The following TRAM1 variants were observed in gnomAD, a reference collection of about 807,000 sequenced individuals.
TRAM1 encodes the protein translocating chain-associated membrane protein 1.
TRAM1 carries 17 observed loss-of-function variants against 48.7 expected under a neutral mutation model. The observed-to-expected ratio is 0.35, with a 90% confidence interval of 0.24 to 0.52. TRAM1 has a LOEUF of 0.52. Ranked by LOEUF, TRAM1 falls within the 20% of genes least tolerant of loss-of-function variation. The probability of loss-of-function intolerance (pLI) is 0.94; values close to 1 mark genes in which losing one functional copy is unlikely to be tolerated. For synonymous variants in TRAM1, 182 were observed against 154.0 expected (o/e 1.18, Z -1.34); for missense variants, 351 against 441.5 (o/e 0.79, Z 1.84).
rs1297404224 is a variant in TRAM1 at position 70,608,263 on chromosome 8, C to T, written c.-64G>A. On this transcript the variant is annotated 5_prime_UTR_variant, in exon 1 of 11. Transcript: ENST00000262213. Reference sequence around the variant, plus strand: ...GGTTCTGCTCTTCCCAGCTGCTCACCGACTCGCCGCCGCCTCCCGCTGGCT... The same window carrying T: ...GGTTCTGCTCTTCCCAGCTGCTCACTGACTCGCCGCCGCCTCCCGCTGGCT... The T allele has an allele frequency of 2.7e-6, 4 of 1,489,136 alleles. No homozygotes were observed. The highest frequency in any genetic ancestry group is 3.6e-6 in the Non-Finnish European group (4 of 1,123,168). The allele number at this position is 1,489,136 out of a possible 1,614,324, so 92.2% of individuals were successfully genotyped here. A position where few individuals can be genotyped will look rare whatever the true frequency, so the allele number is the denominator to read the frequency against.
At chr8:70,606,995 C>G (rs931711852) in intron 1 of TRAM1, 2 of 940,644 alleles carry the variant, frequency 2.1e-6, no homozygotes, top group South Asian at 9.8e-5. Flanking sequence ...AATACAGACT[C>G]GTAAAAATAC....
intron 10 of TRAM1, among the ~76,000 whole-genome samples, chr8:70,578,335 C>G (rs1458289495): frequency 6.6e-6 from 1 of 152,184 alleles, no homozygotes; most frequent in Non-Finnish European, 1.5e-5. Flanking sequence ...TCTTGAACTC[C>G]TGGGCTCAAG....
chr8:70,581,297 C>T (rs1398383342), intron 10 of TRAM1, among the ~76,000 whole-genome samples: 1 of 152,212 alleles, frequency 6.6e-6, no homozygotes, highest in Non-Finnish European at 1.5e-5. Context: ...AATGGGGACT[C>T]ACATTACCTG....
In TRAM1 at chr8:70,595,019, C is replaced by A. The variant is rs1027691732; in HGVS notation, c.486-429G>T. On this transcript the variant is annotated intron_variant, in intron 5 of 10. Coordinates refer to ENST00000262213, the MANE Select transcript of TRAM1 (RefSeq NM_014294.6). Reference sequence around the variant, plus strand: ...ATAATCACCTGAAACTGGAATAATCCCAATTTCAAATATCCTCTGTTTTTT... The same window carrying A: ...ATAATCACCTGAAACTGGAATAATCACAATTTCAAATATCCTCTGTTTTTT... 2.0e-4 allele frequency among the ~76,000 whole-genome samples: 30 copies of A among 146,764 alleles called. No individual in the cohort carries two copies. In the Admixed American group the frequency reaches 2.1e-3, roughly 10 times the overall value.
chr8:70,603,363 C>T (rs1053790559), intron 1 of TRAM1, among the ~76,000 whole-genome samples: 1 of 151,750 alleles, frequency 6.6e-6, no homozygotes. Flanking sequence ...CACTCCACAT[C>T]CCTGTTTCCA....
chr8:70,595,412 T>C (rs1343291487), intron 5 of TRAM1, among the ~76,000 whole-genome samples: 1 of 152,142 alleles, frequency 6.6e-6, no homozygotes, highest in Non-Finnish European at 1.5e-5. Context: ...AGAGTGGGTA[T>C]TACTGCTAGA....
intron 2 of TRAM1, among the ~76,000 whole-genome samples, chr8:70,599,743 G>A (rs983392625): frequency 1.3e-5 from 2 of 151,970 alleles, no homozygotes; most frequent in Admixed American, 6.6e-5. Context: ...AATTTTCTTA[G>A]GAAAAAATCA....
At chr8:70,578,332 C>T (rs1236597077) in intron 10 of TRAM1, among the ~76,000 whole-genome samples, 1 of 152,178 alleles carries the variant, frequency 6.6e-6, no homozygotes, top group Non-Finnish European at 1.5e-5. Context: ...TGGTCTTGAA[C>T]TCCTGGGCTC....
chr8:70,600,718 A>T lies in TRAM1; in HGVS notation c.124-636T>A, dbSNP rs548832358. On this transcript the variant is annotated intron_variant, in intron 1 of 10. Coordinates refer to ENST00000262213, the MANE Select transcript of TRAM1 (RefSeq NM_014294.6). ...CTCCGTGGTGTGAAAAGTACAGGTA[A>T]ATAAACTGTTATAATACTGTAGAAT... Among the ~76,000 whole-genome samples the T allele has an allele frequency of 1.1e-4, 17 of 152,338 alleles. No individual in the cohort carries two copies. The South Asian group carries it at 2.1e-3, about 19-fold the overall frequency.
At chr8:70,586,817 A>G (rs1288795784) in intron 8 of TRAM1, 78 bp downstream of exon 8, 3 of 1,228,162 alleles carry the variant, frequency 2.4e-6, no homozygotes. Flanking sequence ...ATAATGGCCT[A>G]AAGCATGGAT....
chr8:70,574,157 T>G lies in TRAM1; in HGVS notation c.*775A>C, dbSNP rs757591230. Reference sequence around the variant, plus strand: ...TATTATGAGCCCCATTAAGAATCATTATTAATAAACATATCAAAAAGGGCT... The same window carrying G: ...TATTATGAGCCCCATTAAGAATCATGATTAATAAACATATCAAAAAGGGCT... On this transcript the variant is annotated 3_prime_UTR_variant, in exon 11 of 11. Coordinates refer to ENST00000262213, the MANE Select transcript of TRAM1 (RefSeq NM_014294.6). 17 of 363,590 alleles carry G rather than the reference T, an allele frequency of 4.7e-5. 1 individual carries two copies. Among genetic ancestry groups the G allele is most frequent in the South Asian group, 3.6e-4 (17 of 47,400 alleles). The allele number at this position is 363,590 out of a possible 1,614,324, so 22.5% of individuals were successfully genotyped here. A position where few individuals can be genotyped will look rare whatever the true frequency, so the allele number is the denominator to read the frequency against.
chr8:70,583,943 G>A lies in TRAM1; in HGVS notation c.747-150C>T, dbSNP rs1001380972. 7 of 846,114 alleles carry A rather than the reference G, an allele frequency of 8.3e-6. No individual in the cohort carries two copies. The African/African-American group carries it at 1.3e-4, about 15-fold the overall frequency. 52.4% of individuals were successfully genotyped at this position (846,114 alleles called of 1,614,324 possible). ...CAGGAGAATTGCTTGAAACCAGAAG[G>A]TGGAGGTCACAGTGAGCAGAGATTG... is the stretch of plus-strand genomic sequence containing the variant. On this transcript the variant is annotated intron_variant, in intron 8 of 10. Coordinates refer to ENST00000262213, the MANE Select transcript of TRAM1 (RefSeq NM_014294.6).
rs1415822834 is a variant in TRAM1, at chr8:70,594,677, T to TA, written c.486-88dup. On this transcript the variant is annotated intron_variant, in intron 5 of 10. Coordinates refer to ENST00000262213, the MANE Select transcript of TRAM1 (RefSeq NM_014294.6). ...ACAAATACTGGAAATCAGGATATAC[T>TA]AAGTAACTACCTTTGTGTCATCATT... is the stretch of plus-strand genomic sequence containing the variant. 7 of 1,014,838 alleles carry TA rather than the reference T, an allele frequency of 6.9e-6. No homozygotes were observed. The African/African-American group carries it at 1.2e-4, about 17-fold the overall frequency. The allele number at this position is 1,014,838 out of a possible 1,614,324, so 62.9% of individuals were successfully genotyped here.
rs1023234451 is a variant in TRAM1 at position 70,589,987 on chromosome 8, T to C, written c.571-2811A>G. Among the ~76,000 whole-genome samples, 14 of 152,274 alleles carry C rather than the reference T, an allele frequency of 9.2e-5. No individual in the cohort carries two copies. The East Asian group carries it at 9.6e-4, about 10-fold the overall frequency. On this transcript the variant is annotated intron_variant, in intron 6 of 10. Coordinates refer to ENST00000262213, the MANE Select transcript of TRAM1 (RefSeq NM_014294.6). Reference sequence around the variant, plus strand: ...CACATAAATGACTAGGTATAAAAAATATTGCCATATTCTTTCATATGTGTT... The same window carrying C: ...CACATAAATGACTAGGTATAAAAAACATTGCCATATTCTTTCATATGTGTT...
At position 70,574,617 on chromosome 8, in the gene TRAM1, G is replaced by A; in HGVS notation, c.*315C>T. 1 of 232,360 alleles carries A rather than the reference G, an allele frequency of 4.3e-6. No homozygotes were observed. Among genetic ancestry groups the A allele is most frequent in the Non-Finnish European group, 8.3e-6 (1 of 120,552 alleles). The allele number at this position is 232,360 out of a possible 1,614,324, so 14.4% of individuals were successfully genotyped here. A position where few individuals can be genotyped will look rare whatever the true frequency, so the allele number is the denominator to read the frequency against. ...GGTGACAGCAAGAAATTGTATCACT[G>A]ATATGTGGAATTTTTGTAAATAGTT... On this transcript the variant is annotated 3_prime_UTR_variant, in exon 11 of 11. Coordinates refer to ENST00000262213, the MANE Select transcript of TRAM1 (RefSeq NM_014294.6).
intron 2 of TRAM1, among the ~76,000 whole-genome samples, chr8:70,598,509 A>G (rs982944780): frequency 1.3e-5 from 2 of 152,322 alleles, no homozygotes; most frequent in South Asian, 2.1e-4. Context: ...CAAAGACCAA[A>G]AAACAGGGAA....
intron 6 of TRAM1, among the ~76,000 whole-genome samples, chr8:70,588,747 G>C (rs187368733): frequency 6.6e-6 from 1 of 152,316 alleles, no homozygotes; most frequent in African/African-American, 2.4e-5. Flanking sequence ...AACACTGACA[G>C]TGATAAGCTC....
rs146336343 is a variant in TRAM1 at position 70,583,311 on chromosome 8, C to T, written c.904G>A (p.Ala302Thr). The T allele has an allele frequency of 3.1e-6, 5 of 1,612,958 alleles. No individual in the cohort carries two copies. Among genetic ancestry groups the T allele is most frequent in the East Asian group, 2.2e-5 (1 of 44,826 alleles). Reference sequence around the variant, plus strand: ...AATGCCTGAGTAACGCAAATGGATGCCAGAACAGCGATTCTAAGAAATATT... The same window carrying T: ...AATGCCTGAGTAACGCAAATGGATGTCAGAACAGCGATTCTAAGAAATATT... The part of the protein sequence containing the change: ...NVLAVRIAVL[A>T]SICVTQAFMM... The change falls in exon 10 of 11, where the codon GCA becomes ACA. Residue 302 changes from alanine to threonine, a missense_variant. By Grantham distance (58) the Ala-to-Thr change is moderately conservative. Coordinates refer to ENST00000262213, the MANE Select transcript of TRAM1 (RefSeq NM_014294.6).
At chr8:70,595,321 G>A (rs1045978791) in intron 5 of TRAM1, among the ~76,000 whole-genome samples, 15 of 146,660 alleles carry the variant, frequency 1.0e-4, no homozygotes, top group African/African-American at 3.8e-4. Flanking sequence ...TCGGGGTGGA[G>A]AGAATACAGT....
Sources: gnomAD v4.1 joint callset for allele counts (sites outside exome capture counted in the v4.1 genomes callset) on GRCh38, gnomAD v4.1.1 for gene constraint, MANE v1.5 for transcripts, NCBI Gene and HGNC (gene_info 2026-07-23, HGNC 2026-07-21) for gene names.